Variants in PRDM15 observed in about 807,000 individuals in gnomAD.
PRDM15 encodes PR domain zinc finger protein 15.
A neutral mutation model predicts 128.6 loss-of-function variants in PRDM15; 64 were observed. The ratio of observed to expected loss-of-function variants is 0.50; its 90% CI spans 0.41 to 0.61. PRDM15 has a LOEUF of 0.61. Among genes scored for constraint, PRDM15 ranks in the 20% least tolerant of loss-of-function variants. The probability of loss-of-function intolerance (pLI) is 0.00; values close to 1 mark genes in which losing one functional copy is unlikely to be tolerated. For synonymous variants in PRDM15, 615 were observed against 621.8 expected (o/e 0.99, Z 0.16); for missense variants, 1,242 against 1,569.1 (o/e 0.79, Z 3.52).
At position 41,859,593 on chromosome 21, in the gene PRDM15, T is replaced by C. The variant is rs1198363399; in HGVS notation, c.130A>G (p.Arg44Gly). The C allele has an allele frequency of 6.2e-7, 1 of 1,613,726 alleles. No individual in the cohort carries two copies. Among genetic ancestry groups the C allele is most frequent in the Admixed American group, 1.7e-5 (1 of 59,974 alleles). ...CGGGAGCTCACGGCGGTCACTCACC[T>C]TGCCCTGCTTAACACAAAGGAGTCT... ...VKDSFVLSRA[R>G]SSLPPNLEIR... The change falls in exon 3 of 24, where the codon AGG (arginine) becomes GGG (glycine). Residue 44 changes from arginine to glycine, a missense_variant and splice_region_variant. Transcript: ENST00000398548. This position sits in a 1 kb window ranked among gnomAD's most constrained non-coding sequence, Gnocchi z 5.3.
rs1457000936 is a variant in PRDM15, at chr21:41,821,459, C to A, written c.1897-229G>T. Among the ~76,000 whole-genome samples, 1 of 152,182 alleles carries A rather than the reference C, an allele frequency of 6.6e-6. No homozygotes were observed. The highest frequency in any genetic ancestry group is 2.4e-5 in the African/African-American group (1 of 41,440). On this transcript the variant is annotated intron_variant, in intron 15 of 23. Coordinates refer to ENST00000398548, the MANE Select transcript of PRDM15 (RefSeq NM_001040424.3). The surrounding 1 kb of genome is among the most constrained non-coding windows in gnomAD (Gnocchi z 5.4). Reference sequence around the variant, plus strand: ...GTGTCCTCGGAAACAAACCACCCTCCTTTTTGGAGAGCCCCTTCCATGCAC... The same window carrying A: ...GTGTCCTCGGAAACAAACCACCCTCATTTTTGGAGAGCCCCTTCCATGCAC...
At chr21:41,874,525 A>ATATATATATATTTTTTTTT in intron 1 of PRDM15, among the ~76,000 whole-genome samples, 142 of 95,758 alleles carry the variant, frequency 1.5e-3, no homozygotes, top group Non-Finnish European at 2.5e-3. Context: ...ATATATATAT[A>ATATATATATATTTTTTTTT]TTTTTTTTTT....
intron 3 of PRDM15, 41 bp from the exon 4 acceptor site, chr21:41,857,370 C>T (rs370866645): frequency 4.3e-5 from 69 of 1,606,648 alleles, no homozygotes; most frequent in Non-Finnish European, 5.7e-5. Flanking sequence ...AGAGCACTCA[C>T]ACCCAGGGAC....
At chr21:41,801,955 CTAGAAAAAAA>C (rs1487547544) in intron 23 of PRDM15, among the ~76,000 whole-genome samples, 1 of 152,024 alleles carries the variant, frequency 6.6e-6, no homozygotes, top group Non-Finnish European at 1.5e-5. Flanking sequence ...ATTTCACTGG[CTAGAAAAAAA>C]TAGAAAAAAG....
At chr21:41,857,035 T>C (rs2063656551) in intron 4 of PRDM15, 141 bp downstream of exon 4, 1 of 721,948 alleles carries the variant, frequency 1.4e-6, no homozygotes, top group Admixed American at 2.7e-5. Context: ...TTCTTGGAAA[T>C]TAAGCAGACC....
chr21:41,832,742 A>AC lies in PRDM15; in HGVS notation c.1366+2694dup, dbSNP rs1036200896. 4.6e-5 allele frequency among the ~76,000 whole-genome samples: 7 copies of AC among 151,840 alleles called. No individual in the cohort carries two copies. The highest frequency in any genetic ancestry group is 1.5e-4 in the African/African-American group (6 of 41,302). On this transcript the variant is annotated intron_variant, in intron 11 of 23. Coordinates refer to ENST00000398548, the MANE Select transcript of PRDM15 (RefSeq NM_001040424.3). The surrounding 1 kb of genome is among the most constrained non-coding windows in gnomAD (Gnocchi z 4.2). Reference sequence around the variant, plus strand: ...CAGGTGCAAATCAGCACCCATGAGCACCCCCTCCTGGGCAGGTGGCTCCAC... The same window carrying AC: ...CAGGTGCAAATCAGCACCCATGAGCACCCCCCTCCTGGGCAGGTGGCTCCAC...
At chr21:41,865,480 G>C (rs1040647393) in intron 1 of PRDM15, among the ~76,000 whole-genome samples, 2 of 151,988 alleles carry the variant, frequency 1.3e-5, no homozygotes. Flanking sequence ...TCTGATAAGA[G>C]AATCAGCCAC....
rs1459513746 is a variant in PRDM15 at position 41,879,219 on chromosome 21, C to T, written c.-10+51G>A. 35 of 751,542 alleles carry T rather than the reference C, an allele frequency of 4.7e-5. 1 individual carries two copies. The South Asian group carries it at 1.7e-3, about 37-fold the overall frequency. 46.6% of individuals were successfully genotyped at this position (751,542 alleles called of 1,614,324 possible). On this transcript the variant is annotated intron_variant, in intron 1 of 23. Coordinates refer to ENST00000398548, the MANE Select transcript of PRDM15 (RefSeq NM_001040424.3). The surrounding 1 kb of genome is among the most constrained non-coding windows in gnomAD (Gnocchi z 5.1). ...GGGGGCAGCGGGTGCGGCCCGGGGC[C>T]GGCGGGGCGCACGCCGGGGCGGGCG... is the stretch of plus-strand genomic sequence containing the variant.
chr21:41,822,188 C>G, intron 14 of PRDM15, 151 bp from the exon 15 acceptor site: 1 of 1,081,956 alleles, frequency 9.2e-7, no homozygotes, highest in South Asian at 1.5e-5. Context: ...CACTTGTGCC[C>G]TAGCCCATCC....
At chr21:41,873,370 C>T (rs2064283672) in intron 1 of PRDM15, among the ~76,000 whole-genome samples, 1 of 152,200 alleles carries the variant, frequency 6.6e-6, no homozygotes, top group Non-Finnish European at 1.5e-5. Context: ...CCTGGGTACA[C>T]GGCCACTGGT....
rs202202316 is a variant in PRDM15, at chr21:41,821,250, G to C, written c.1897-20C>G. 7.4e-6 allele frequency: 12 copies of C among 1,613,792 alleles called. No homozygotes were observed. Among genetic ancestry groups the C allele is most frequent in the Non-Finnish European group, 1.0e-5 (12 of 1,179,952 alleles). On this transcript the variant is annotated intron_variant, in intron 15 of 23. Coordinates refer to ENST00000398548, the MANE Select transcript of PRDM15 (RefSeq NM_001040424.3). This position sits in a 1 kb window ranked among gnomAD's most constrained non-coding sequence, Gnocchi z 5.4. Reference sequence around the variant, plus strand: ...GGTGAGCTGCGGGCCAGGTGGACAGGGCACTGCTGACACCCGCATGAGGTC... The same window carrying C: ...GGTGAGCTGCGGGCCAGGTGGACAGCGCACTGCTGACACCCGCATGAGGTC...
rs549017424 is a variant in PRDM15, at chr21:41,867,781, G to A, written c.-9-7409C>T. ...CATTTCAAGAATGTCACATAGGCTG[G>A]CACAGTGGCTCATGCTTGTAATCCC... On this transcript the variant is annotated intron_variant, in intron 1 of 23. Transcript: ENST00000398548. 2.1e-3 allele frequency among the ~76,000 whole-genome samples: 321 copies of A among 152,286 alleles called. 3 individuals carry two copies. Among genetic ancestry groups the A allele is most frequent in the African/African-American group, 7.5e-3 (313 of 41,546 alleles).
intron 16 of PRDM15, 60 bp from the exon 17 acceptor site, chr21:41,820,234 G>C: frequency 7.3e-7 from 1 of 1,360,952 alleles, no homozygotes. Flanking sequence ...GGCAGCGAGG[G>C]CACTTTCCCC....
intron 5 of PRDM15, among the ~76,000 whole-genome samples, chr21:41,852,673 C>G (rs1001928018): frequency 6.6e-6 from 1 of 152,194 alleles, no homozygotes. Flanking sequence ...CCAACCTGGC[C>G]GAAGAGGACG....
chr21:41,857,037 A>T, intron 4 of PRDM15, 139 bp downstream of exon 4: 1 of 725,562 alleles, frequency 1.4e-6, no homozygotes, highest in Non-Finnish European at 2.3e-6. Flanking sequence ...CTTGGAAATT[A>T]AGCAGACCTA....
chr21:41,874,628 A>G (rs927398748), intron 1 of PRDM15: 6 of 150,776 alleles, frequency 4.0e-5, no homozygotes, highest in Non-Finnish European at 8.8e-5. Context: ...GTGAGTGGAC[A>G]GTTAAAAGTC....
chr21:41,821,770 C>T lies in PRDM15; in HGVS notation c.1896+133G>A, dbSNP rs1440363539. 2 of 1,127,704 alleles carry T rather than the reference C, an allele frequency of 1.8e-6. No individual in the cohort carries two copies. Among genetic ancestry groups the T allele is most frequent in the Non-Finnish European group, 2.6e-6 (2 of 778,478 alleles). The allele number at this position is 1,127,704 out of a possible 1,614,324, so 69.9% of individuals were successfully genotyped here. ...AGGCACCCAGTCTGCAGTAGGACCA[C>T]TGGCCGGAGCCTTTGGGGAGGGAGG... is the stretch of plus-strand genomic sequence containing the variant. On this transcript the variant is annotated intron_variant, in intron 15 of 23. Coordinates refer to ENST00000398548, the MANE Select transcript of PRDM15 (RefSeq NM_001040424.3). The surrounding 1 kb of genome is among the most constrained non-coding windows in gnomAD (Gnocchi z 5.4).
intron 1 of PRDM15, among the ~76,000 whole-genome samples, chr21:41,872,575 G>A (rs1011915251): frequency 7.2e-5 from 11 of 152,000 alleles, no homozygotes; most frequent in Admixed American, 6.5e-4. Flanking sequence ...TATTTATGGG[G>A]TACAAACTGA....
Position 41,810,915 on chromosome 21 carries a change from A to G in PRDM15, c.2393-79T>C, listed in dbSNP as rs28610063. On this transcript the variant is annotated intron_variant, in intron 19 of 23. Coordinates refer to ENST00000398548, the MANE Select transcript of PRDM15 (RefSeq NM_001040424.3). This position sits in a 1 kb window ranked among gnomAD's most constrained non-coding sequence, Gnocchi z 6.4. ...CATCAGGGCATGTCTTCTCCCTGAC[A>G]CGTTCCAGGCACTGTAGGGCCTTCA... 352,349 of 1,305,012 alleles carry G rather than the reference A, an allele frequency of 0.27. 49,581 individuals are homozygous for G. The highest frequency in any genetic ancestry group is 0.4 in the East Asian group (17,261 of 43,186). 80.8% of individuals were successfully genotyped at this position (1,305,012 alleles called of 1,614,324 possible).
Sources: gnomAD v4.1 joint callset for allele counts (sites outside exome capture counted in the v4.1 genomes callset) on GRCh38, gnomAD v4.1.1 for gene constraint, Gnocchi (gnomAD v3.1) non-coding constraint, MANE v1.5 for transcripts, NCBI Gene and HGNC (gene_info 2026-07-23, HGNC 2026-07-21) for gene names.